Variants in POMK observed in about 807,000 individuals in gnomAD.
POMK encodes the protein Sugen kinase 196.
Under a neutral mutation model 23.0 loss-of-function variants are expected in POMK, and 19 were observed. That is an observed-to-expected ratio of 0.83 (90% CI 0.58 to 1.21). The LOEUF (loss-of-function observed/expected upper bound fraction) is 1.21. POMK is among the 50% of genes most tolerant of loss of function. POMK has a pLI of 0.00. For missense variants in POMK, 410 were observed against 431.3 expected, an observed-to-expected ratio of 0.95 and a Z score of 0.44; for synonymous variants, 173 against 171.6, an observed-to-expected ratio of 1.01 and a Z score of -0.06.
At chr8:43,105,007 TG>T (rs1811518197) in intron 4 of POMK, among the ~76,000 whole-genome samples, 1 of 152,212 alleles carries the variant, frequency 6.6e-6, no homozygotes, top group Non-Finnish European at 1.5e-5. Context: ...TTTCTTTTCC[TG>T]TTTTTCAAAC....
intron 4 of POMK, among the ~76,000 whole-genome samples, chr8:43,109,146 GGTTT>G (rs1311719760): frequency 6.6e-6 from 1 of 152,066 alleles, no homozygotes; most frequent in African/African-American, 2.4e-5. Flanking sequence ...GATTTTGAAA[GGTTT>G]GTTAAATACC....
chr8:43,108,475 G>A (rs767018961), intron 4 of POMK, among the ~76,000 whole-genome samples: 3 of 152,104 alleles, frequency 2.0e-5, no homozygotes, highest in African/African-American at 4.8e-5. Flanking sequence ...ACAAATATGC[G>A]CCAAATTTTA....
chr8:43,114,703 C>T (rs781629664), intron 4 of POMK, among the ~76,000 whole-genome samples: 1 of 152,256 alleles, frequency 6.6e-6, no homozygotes, highest in Non-Finnish European at 1.5e-5. Context: ...TCTTCTGCGT[C>T]GCTCACGCTG....
intron 4 of POMK, among the ~76,000 whole-genome samples, chr8:43,106,592 C>A: frequency 6.6e-6 from 1 of 151,252 alleles, no homozygotes. Context: ...TCACCGCAAC[C>A]TCCACCTCCC....
At chr8:43,119,320 C>T (rs568500169) in intron 4 of POMK, among the ~76,000 whole-genome samples, 46 of 151,240 alleles carry the variant, frequency 3.0e-4, no homozygotes, top group Non-Finnish European at 4.7e-4. Flanking sequence ...CTATGGAGAG[C>T]GTGTGTTCAA....
At chr8:43,106,862 C>T (rs1811554449) in intron 4 of POMK, among the ~76,000 whole-genome samples, 1 of 152,076 alleles carries the variant, frequency 6.6e-6, no homozygotes, top group African/African-American at 2.4e-5. Flanking sequence ...GCATCTTATT[C>T]TTAAGGTGTG....
In POMK at chr8:43,103,418, C is replaced by T. The variant is rs112047931; in HGVS notation, c.-21-110C>T. The T allele has an allele frequency of 9.8e-5, 97 of 989,408 alleles. 2 individuals are homozygous for T. Among genetic ancestry groups the T allele is most frequent in the African/African-American group, 6.1e-4 (38 of 61,888 alleles). 61.3% of individuals were successfully genotyped at this position (989,408 alleles called of 1,614,324 possible). ...ATACCTGCTTTAATCCCCACGGTAA[C>T]GCTGCAGCTTACAGGACCCTTGAGT... On this transcript the variant is annotated intron_variant, in intron 3 of 4. Coordinates refer to ENST00000331373, the MANE Select transcript of POMK (RefSeq NM_032237.5).
chr8:43,110,575 A>G (rs774837042), intron 4 of POMK, among the ~76,000 whole-genome samples: 6 of 152,204 alleles, frequency 3.9e-5, no homozygotes, highest in Non-Finnish European at 8.8e-5. Context: ...CTTTTTAAAC[A>G]GTCATTTTAC....
intron 4 of POMK, 132 bp from the exon 5 acceptor site, chr8:43,121,975 A>G: frequency 2.3e-6 from 2 of 852,540 alleles, no homozygotes; most frequent in Non-Finnish European, 3.7e-6. Context: ...GAGCAACTCT[A>G]CGATGGGGTC....
chr8:43,107,304 G>C (rs1030734828), intron 4 of POMK, among the ~76,000 whole-genome samples: 2 of 152,094 alleles, frequency 1.3e-5, no homozygotes, highest in African/African-American at 4.8e-5. Context: ...AATCACGATA[G>C]GACTGATTTG....
chr8:43,103,880 C>T lies in POMK; in HGVS notation c.282+50C>T, dbSNP rs1453576918. ...GCTGTCATCCTGTTATTTCGCTTAA[C>T]ACAGTGTCCTCCAGCTCCATCCATG... On this transcript the variant is annotated intron_variant, in intron 4 of 4. Coordinates refer to ENST00000331373, the MANE Select transcript of POMK (RefSeq NM_032237.5). 4.4e-6 allele frequency: 7 copies of T among 1,573,074 alleles called. No individual in the cohort carries two copies. In the Admixed American group the frequency reaches 8.6e-5, roughly 19 times the overall value.
At chr8:43,116,910 GGA>G (rs1192396074) in intron 4 of POMK, among the ~76,000 whole-genome samples, 3 of 152,212 alleles carry the variant, frequency 2.0e-5, no homozygotes, top group African/African-American at 7.2e-5. Flanking sequence ...GTCAGCCAAG[GGA>G]GATAGGGGTA....
chr8:43,101,019 G>A (rs145313033), intron 2 of POMK, among the ~76,000 whole-genome samples: 2 of 152,242 alleles, frequency 1.3e-5, no homozygotes, highest in African/African-American at 4.8e-5. Context: ...ACGCTCAAGA[G>A]CGCCAGAACA....
Position 43,122,704 on chromosome 8 carries a change from G to C in POMK, c.880G>C (p.Gly294Arg), listed in dbSNP as rs1322117730. 1.8e-5 allele frequency: 29 copies of C among 1,613,998 alleles called. No homozygotes were observed. The highest frequency in any genetic ancestry group is 2.3e-5 in the Non-Finnish European group (27 of 1,180,016). The change falls in exon 5 of 5, where the codon GGG becomes CGG. Residue 294 changes from glycine to arginine, a missense_variant. Coordinates refer to ENST00000331373, the MANE Select transcript of POMK (RefSeq NM_032237.5). The stretch of plus-strand genomic sequence containing the variant: ...CCCAGACATCTCCAGTTTCCTTCTG[G>C]GGCACATTGAAGGGAGTGATATGGT... Reference protein sequence around the residue: ...KIPDISSFLLGHIEGSDMVRF... With the variant: ...KIPDISSFLLRHIEGSDMVRF...
intron 2 of POMK, among the ~76,000 whole-genome samples, chr8:43,099,827 C>G (rs1312958477): frequency 6.6e-6 from 1 of 152,248 alleles, no homozygotes; most frequent in South Asian, 2.1e-4. Context: ...GAAATGCTCT[C>G]TGATTGCTTC....
At chr8:43,104,133 C>CT (rs1217173500) in intron 4 of POMK, among the ~76,000 whole-genome samples, 28 of 146,770 alleles carry the variant, frequency 1.9e-4, no homozygotes, top group South Asian at 2.2e-4. Context: ...GGCACTTTAT[C>CT]TTTTTTTTTT....
intron 1 of POMK, 86 bp from the exon 2 acceptor site, chr8:43,097,438 G>A (rs1586669022): frequency 6.6e-6 from 1 of 152,126 alleles, no homozygotes; most frequent in East Asian, 1.9e-4. Flanking sequence ...TTTAAAAAAA[G>A]ATCTGAAAAA....
intron 1 of POMK, among the ~76,000 whole-genome samples, chr8:43,094,741 T>G (rs1811298398): frequency 6.6e-6 from 1 of 152,226 alleles, no homozygotes; most frequent in Non-Finnish European, 1.5e-5. Context: ...ACTAGTTTTG[T>G]CCCTTTGCTT....
intron 1 of POMK, among the ~76,000 whole-genome samples, chr8:43,096,480 T>G (rs1194622319): frequency 1.3e-5 from 2 of 152,014 alleles, no homozygotes; most frequent in African/African-American, 4.8e-5. Flanking sequence ...GCCAACATAG[T>G]GAAACTCCGT....
Sources: gnomAD v4.1 joint callset for allele counts (sites outside exome capture counted in the v4.1 genomes callset) on GRCh38, gnomAD v4.1.1 for gene constraint, MANE v1.5 for transcripts, NCBI Gene and HGNC (gene_info 2026-07-23, HGNC 2026-07-21) for gene names.